The following WDPCP variants were observed in gnomAD, a reference collection of about 807,000 sequenced individuals.
The protein encoded by WDPCP is WD repeat containing planar cell polarity effector.
A neutral mutation model predicts 93.1 loss-of-function variants in WDPCP; 71 were observed. The ratio of observed to expected loss-of-function variants is 0.76; its 90% CI spans 0.63 to 0.93. WDPCP has a LOEUF of 0.93. Among genes scored for constraint, WDPCP ranks in the 40% least tolerant of loss-of-function variants. The pLI is 0.00. For missense variants in WDPCP, 844 were observed against 887.4 expected (o/e 0.95, Z 0.62); for synonymous variants, 315 against 315.0 (o/e 1.00, Z 0.00).
chr2:63,304,110 A>G, intron 13 of WDPCP, among the ~76,000 whole-genome samples: 1 of 152,190 alleles, frequency 6.6e-6, no homozygotes, highest in African/African-American at 2.4e-5. Flanking sequence ...TAAAACTACC[A>G]TTCAACCCAG....
intron 12 of WDPCP, among the ~76,000 whole-genome samples, chr2:63,316,204 A>T (rs1286542253): frequency 6.6e-6 from 1 of 152,218 alleles, no homozygotes. Context: ...AAAATGAAAA[A>T]GTCTAATATG....
intron 14 of WDPCP, among the ~76,000 whole-genome samples, chr2:63,256,116 T>C (rs961595141): frequency 2.0e-5 from 3 of 152,194 alleles, no homozygotes; most frequent in Admixed American, 6.6e-5. Flanking sequence ...AATGTATCTA[T>C]GAATTAAATG....
intron 2 of WDPCP, among the ~76,000 whole-genome samples, chr2:63,723,289 T>TAA (rs369400703): frequency 6.9e-4 from 96 of 138,170 alleles, no homozygotes; most frequent in Admixed American, 4.4e-4. Flanking sequence ...AATAAAAAAT[T>TAA]AAAAAAAAAA....
At chr2:63,353,293 G>C (rs2104572746) in intron 12 of WDPCP, among the ~76,000 whole-genome samples, 1 of 152,278 alleles carries the variant, frequency 6.6e-6, no homozygotes, top group East Asian at 1.9e-4. Flanking sequence ...TCTGGCAAAA[G>C]TAGCTGCGGC....
At chr2:63,631,999 C>T (rs1709869456) in intron 3 of WDPCP, among the ~76,000 whole-genome samples, 1 of 152,192 alleles carries the variant, frequency 6.6e-6, no homozygotes, top group South Asian at 2.1e-4. Flanking sequence ...GAGAGAGATA[C>T]TGCTGAGCAC....
At chr2:63,139,036 CT>C (rs1477154354) in intron 17 of WDPCP, among the ~76,000 whole-genome samples, 1 of 152,058 alleles carries the variant, frequency 6.6e-6, no homozygotes, top group Non-Finnish European at 1.5e-5. Flanking sequence ...TAATTCACTC[CT>C]TTTTATGGCT....
intron 2 of WDPCP, among the ~76,000 whole-genome samples, chr2:63,692,952 G>A (rs1446447150): frequency 6.6e-6 from 1 of 152,138 alleles, no homozygotes; most frequent in African/African-American, 2.4e-5. Context: ...TAAGCAAGCT[G>A]TTTTAGGCAC....
intron 17 of WDPCP, among the ~76,000 whole-genome samples, chr2:63,130,896 A>G (rs1670247757): frequency 6.6e-6 from 1 of 152,130 alleles, no homozygotes; most frequent in South Asian, 2.1e-4. Context: ...GTACATACAT[A>G]TTTATAATAA....
chr2:63,520,525 C>T (rs1702848759), intron 1 of WDPCP, among the ~76,000 whole-genome samples: 1 of 152,204 alleles, frequency 6.6e-6, no homozygotes, highest in African/African-American at 2.4e-5. Context: ...CCCATTCAGG[C>T]TTACTGCAGA....
chr2:63,656,346 CA>C (rs1237474160), intron 2 of WDPCP, among the ~76,000 whole-genome samples: 1 of 152,174 alleles, frequency 6.6e-6, no homozygotes. Context: ...GCCCCAGATG[CA>C]GACTGGGTTG....
intron 2 of WDPCP, among the ~76,000 whole-genome samples, chr2:63,702,268 C>T (rs746213443): frequency 4.8e-4 from 73 of 152,180 alleles, no homozygotes; most frequent in Admixed American, 2.6e-4. Context: ...TCAGGTGATC[C>T]GCCTGCTTCG....
chr2:63,175,963 A>G (rs1206672498), intron 14 of WDPCP, among the ~76,000 whole-genome samples: 3 of 152,150 alleles, frequency 2.0e-5, no homozygotes. Context: ...GGGATTGCCT[A>G]TCATACAGTG....
At chr2:63,607,581 A>C (rs1709559822) in intron 3 of WDPCP, among the ~76,000 whole-genome samples, 1 of 151,816 alleles carries the variant, frequency 6.6e-6, no homozygotes, top group Non-Finnish European at 1.5e-5. Flanking sequence ...CTGTAATCCC[A>C]GCACTTTGGG....
intron 2 of WDPCP, among the ~76,000 whole-genome samples, chr2:63,718,096 A>G (rs1669363496): frequency 6.6e-6 from 1 of 152,088 alleles, no homozygotes; most frequent in South Asian, 2.1e-4. Context: ...CATATATATG[A>G]TAAATATATG....
At chr2:63,408,115 C>G (rs1472500744) in intron 9 of WDPCP, among the ~76,000 whole-genome samples, 4 of 152,170 alleles carry the variant, frequency 2.6e-5, no homozygotes, top group Non-Finnish European at 5.9e-5. Context: ...CACCTCCAGA[C>G]AGAGCAGTGT....
At chr2:63,808,649 T>C (rs1484479238) in intron 2 of WDPCP, among the ~76,000 whole-genome samples, 2 of 152,212 alleles carry the variant, frequency 1.3e-5, no homozygotes, top group East Asian at 3.9e-4. Flanking sequence ...TAGTGCTCAA[T>C]GGTGCCCAGG....
At chr2:63,804,768 G>A (rs1268666071) in intron 2 of WDPCP, among the ~76,000 whole-genome samples, 3 of 151,650 alleles carry the variant, frequency 2.0e-5, no homozygotes, top group Admixed American at 6.6e-5. Flanking sequence ...GGTGGCTCAC[G>A]CCTCTAATAC....
chr2:63,715,178 G>T (rs567993394), intron 2 of WDPCP, among the ~76,000 whole-genome samples: 9 of 152,300 alleles, frequency 5.9e-5, no homozygotes, highest in African/African-American at 1.9e-4. Flanking sequence ...TCTTTGTGGG[G>T]TGATAAAATA....
intron 1 of WDPCP, among the ~76,000 whole-genome samples, chr2:63,556,304 G>C (rs1294223936): frequency 1.3e-5 from 2 of 152,134 alleles, no homozygotes; most frequent in African/African-American, 4.8e-5. Flanking sequence ...AGAGATAAAA[G>C]AATGAAAAGG....
Sources: gnomAD v4.1 joint callset for allele counts (sites outside exome capture counted in the v4.1 genomes callset) on GRCh38, gnomAD v4.1.1 for gene constraint, MANE v1.5 for transcripts, NCBI Gene and HGNC (gene_info 2026-07-23, HGNC 2026-07-21) for gene names.